Variants in CNOT6L observed in about 807,000 individuals in gnomAD.
CNOT6L encodes the protein CCR4-NOT transcription complex subunit 6 like.
CNOT6L carries 7 observed loss-of-function variants against 64.0 expected under a neutral mutation model. The observed-to-expected ratio is 0.11, with a 90% CI of 0.06 to 0.21. The LOEUF (loss-of-function observed/expected upper bound fraction) is 0.21. Ranked by LOEUF, CNOT6L falls within the 10% of genes least tolerant of loss-of-function variation. CNOT6L has a pLI of 1.00. For synonymous variants in CNOT6L, 193 were observed against 243.4 expected (o/e 0.79, Z 1.93); for missense variants, 245 against 669.0 (o/e 0.37, Z 6.99).
At chr4:77,783,187 G>A (rs1729078650) in intron 1 of CNOT6L, among the ~76,000 whole-genome samples, 3 of 144,452 alleles carry the variant, frequency 2.1e-5, no homozygotes, top group South Asian at 2.2e-4. Flanking sequence ...TTTTATAATG[G>A]CAAAGTCACT....
intron 6 of CNOT6L, among the ~76,000 whole-genome samples, chr4:77,746,447 AG>A (rs1724208372): frequency 6.6e-6 from 1 of 152,192 alleles, no homozygotes; most frequent in African/African-American, 2.4e-5. Flanking sequence ...ATGCATCAGA[AG>A]TAAAATGCAT....
intron 1 of CNOT6L, among the ~76,000 whole-genome samples, chr4:77,782,642 T>C (rs1043597690): frequency 2.2e-3 from 7 of 3,126 alleles, no homozygotes; most frequent in Admixed American, 5.1e-3. Context: ...GTGCCTAGCC[T>C]TTTTTTTTTT....
At chr4:77,725,206 T>A (rs937743795) in intron 11 of CNOT6L, among the ~76,000 whole-genome samples, 17 of 152,204 alleles carry the variant, frequency 1.1e-4, no homozygotes, top group African/African-American at 3.1e-4. Context: ...CACACGAATT[T>A]CTTTTCTTCC....
At chr4:77,799,490 A>C (rs1731255495) in intron 1 of CNOT6L, among the ~76,000 whole-genome samples, 1 of 152,110 alleles carries the variant, frequency 6.6e-6, no homozygotes, top group South Asian at 2.1e-4. Flanking sequence ...GGATCACCTG[A>C]GGTCAAGAGT....
chr4:77,739,961 A>AAAT (rs2109931997), intron 8 of CNOT6L, among the ~76,000 whole-genome samples: 1 of 152,288 alleles, frequency 6.6e-6, no homozygotes, highest in South Asian at 2.1e-4. Flanking sequence ...CTTCCATATT[A>AAAT]TCTTGAAAGA....
intron 8 of CNOT6L, among the ~76,000 whole-genome samples, chr4:77,737,406 C>CTTTTTTTTTT (rs56952956): frequency 9.7e-5 from 8 of 82,382 alleles, no homozygotes; most frequent in African/African-American, 2.8e-4. Flanking sequence ...TTGTACCGTT[C>CTTTTTTTTTT]TTTTTTTTTT....
At chr4:77,732,895 G>A (rs1722597302) in intron 8 of CNOT6L, among the ~76,000 whole-genome samples, 1 of 152,072 alleles carries the variant, frequency 6.6e-6, no homozygotes, top group African/African-American at 2.4e-5. Context: ...TGTTTTTTAA[G>A]ATCACTTAGC....
At chr4:77,743,335 T>C (rs1484621503) in intron 7 of CNOT6L, among the ~76,000 whole-genome samples, 1 of 152,116 alleles carries the variant, frequency 6.6e-6, no homozygotes, top group Admixed American at 6.5e-5. Context: ...GAGGCTGTTA[T>C]CACTACAAAT....
At chr4:77,742,943 A>C (rs912427113) in intron 7 of CNOT6L, among the ~76,000 whole-genome samples, 6 of 152,190 alleles carry the variant, frequency 3.9e-5, no homozygotes, top group Non-Finnish European at 8.8e-5. Flanking sequence ...TGAGTTTATG[A>C]CAGCAAAAAC....
At chr4:77,768,764 C>T (rs1172958765) in intron 4 of CNOT6L, among the ~76,000 whole-genome samples, 2 of 150,858 alleles carry the variant, frequency 1.3e-5, no homozygotes, top group Non-Finnish European at 3.0e-5. Flanking sequence ...GAAACTCATA[C>T]TCAATAACTG....
chr4:77,735,248 T>C (rs1164818600), intron 8 of CNOT6L, among the ~76,000 whole-genome samples: 3 of 152,208 alleles, frequency 2.0e-5, no homozygotes, highest in African/African-American at 4.8e-5. Flanking sequence ...TGTCCAATTC[T>C]GCTTCCTCCC....
chr4:77,793,452 G>C (rs1486881599), intron 1 of CNOT6L, among the ~76,000 whole-genome samples: 1 of 152,116 alleles, frequency 6.6e-6, no homozygotes, highest in African/African-American at 2.4e-5. Flanking sequence ...TTTTAGAGTG[G>C]CATAAGCGCA....
intron 1 of CNOT6L, among the ~76,000 whole-genome samples, chr4:77,788,425 T>C (rs1219445450): frequency 6.6e-6 from 1 of 152,144 alleles, no homozygotes; most frequent in African/African-American, 2.4e-5. Context: ...AGAAAGAACA[T>C]ATTATAATAA....
intron 1 of CNOT6L, among the ~76,000 whole-genome samples, chr4:77,789,400 GA>G (rs570089843): frequency 2.6e-5 from 4 of 151,828 alleles, no homozygotes; most frequent in Admixed American, 2.6e-4. Context: ...AGCCAAAGGG[GA>G]AAAAAAAGTC....
At chr4:77,797,454 G>T (rs1365660362) in intron 1 of CNOT6L, among the ~76,000 whole-genome samples, 1 of 152,194 alleles carries the variant, frequency 6.6e-6, no homozygotes, top group African/African-American at 2.4e-5. Context: ...CCTTTGTCCA[G>T]CATATTCACA....
chr4:77,816,015 A>G (rs1395910129), intron 1 of CNOT6L, among the ~76,000 whole-genome samples: 1 of 152,262 alleles, frequency 6.6e-6, no homozygotes, highest in Non-Finnish European at 1.5e-5. Context: ...GAAATTCCTA[A>G]GTATTCCAAT....
At position 77,811,549 on chromosome 4, in the gene CNOT6L, A is replaced by G. The variant is rs577275160; in HGVS notation, c.5+7755T>C. On this transcript the variant is annotated intron_variant, in intron 1 of 11. Transcript: ENST00000504123. ...GCGATAGAGCAAGACTCCGTCTCAAAACAAAAACAAGAAAGGAATGGGGAA... is the reference window on the plus strand; with the variant it reads ...GCGATAGAGCAAGACTCCGTCTCAAGACAAAAACAAGAAAGGAATGGGGAA... 1.7e-3 allele frequency among the ~76,000 whole-genome samples: 262 copies of G among 152,330 alleles called. 2 individuals carry two copies. Among genetic ancestry groups the G allele is most frequent in the African/African-American group, 6.2e-3 (259 of 41,572 alleles).
chr4:77,745,769 A>G (rs1201045621), intron 6 of CNOT6L, among the ~76,000 whole-genome samples: 1 of 152,220 alleles, frequency 6.6e-6, no homozygotes, highest in African/African-American at 2.4e-5. Flanking sequence ...TCGTATTTTT[A>G]AAAAGGATCC....
chr4:77,764,336 TAATAA>T (rs997754860), intron 4 of CNOT6L, among the ~76,000 whole-genome samples: 8 of 152,142 alleles, frequency 5.3e-5, no homozygotes, highest in Non-Finnish European at 2.9e-5. Context: ...CAGAAAAAGA[TAATAA>T]AATTAGATAA....
Sources: gnomAD v4.1 joint callset for allele counts (sites outside exome capture counted in the v4.1 genomes callset) on GRCh38, gnomAD v4.1.1 for gene constraint, MANE v1.5 for transcripts, NCBI Gene and HGNC (gene_info 2026-07-23, HGNC 2026-07-21) for gene names.